The following SPEG variants were observed in gnomAD, a reference collection of about 807,000 sequenced individuals.
The protein encoded by SPEG is striated muscle enriched protein kinase.
Under a neutral mutation model 300.4 loss-of-function variants are expected in SPEG, and 114 were observed. The ratio of observed to expected loss-of-function variants is 0.38; its 90% confidence interval spans 0.33 to 0.44. The LOEUF (loss-of-function observed/expected upper bound fraction) is 0.44. SPEG is among the 20% of genes least tolerant of loss of function. The pLI is 1.00. For synonymous variants in SPEG, 1,964 were observed against 2,018.9 expected, an observed-to-expected ratio of 0.97 and a Z score of 0.73; for missense variants, 4,201 against 4,586.2, an observed-to-expected ratio of 0.92 and a Z score of 2.43.
chr2:219,471,730 C>T, intron 13 of SPEG, 138 bp from the exon 14 acceptor site: 1 of 1,045,544 alleles, frequency 9.6e-7, no homozygotes, highest in Non-Finnish European at 1.4e-6. Flanking sequence ...CTGCCTGCCC[C>T]ATCCTTGCCC....
intron 8 of SPEG, among the ~76,000 whole-genome samples, chr2:219,462,722 C>G (rs1690840900): frequency 6.6e-6 from 1 of 152,148 alleles, no homozygotes; most frequent in Non-Finnish European, 1.5e-5. Context: ...TTGAGACCAG[C>G]CTGGCCAGCA....
At position 219,443,369 on chromosome 2, in the gene SPEG, G is replaced by A. The variant is rs1689065058; in HGVS notation, c.389-1284G>A. 3.3e-6 allele frequency: 2 copies of A among 603,172 alleles called. No homozygotes were observed. The highest frequency in any genetic ancestry group is 5.7e-5 in the East Asian group (2 of 35,212). The allele number at this position is 603,172 out of a possible 1,614,324, so 37.4% of individuals were successfully genotyped here. On this transcript the variant is annotated intron_variant, in intron 1 of 40. Coordinates refer to ENST00000312358, the MANE Select transcript of SPEG (RefSeq NM_005876.5). This position sits in a 1 kb window ranked among gnomAD's most constrained non-coding sequence, Gnocchi z 4.6. ...GAGGGCGGCTCACTAGCACACCCCT[G>A]CATGGACTGGGTGCCCTGTTCTCCA... is the stretch of plus-strand genomic sequence containing the variant.
Position 219,446,242 on chromosome 2 carries a change from T to C in SPEG, c.815+1081T>C, listed in dbSNP as rs563357284. ...GTGTTCCTGTGCCCTGGACTTGCCTTTCCCTTCCTGCCTTTCTTTACCAGG... is the reference window on the plus strand; with the variant it reads ...GTGTTCCTGTGCCCTGGACTTGCCTCTCCCTTCCTGCCTTTCTTTACCAGG... On this transcript the variant is annotated intron_variant, in intron 3 of 40. Transcript: ENST00000312358. Among the ~76,000 whole-genome samples the C allele has an allele frequency of 6.6e-5, 10 of 152,268 alleles. No homozygotes were observed. In the East Asian group the frequency reaches 1.9e-3, roughly 29 times the overall value.
At position 219,445,297 on chromosome 2, in the gene SPEG, C is replaced by G; in HGVS notation, c.815+136C>G. ...TGTGCATTTCTTCACCCCCTGCTGC[C>G]ACTCCATCTTCCCACACTGCTCCCT... On this transcript the variant is annotated intron_variant, in intron 3 of 40. Transcript: ENST00000312358. This position sits in a 1 kb window ranked among gnomAD's most constrained non-coding sequence, Gnocchi z 6.1. 4 of 856,808 alleles carry G rather than the reference C, an allele frequency of 4.7e-6. No individual in the cohort carries two copies. The highest frequency in any genetic ancestry group is 7.5e-6 in the Non-Finnish European group (4 of 535,148). 53.1% of individuals were successfully genotyped at this position (856,808 alleles called of 1,614,324 possible). A position where few individuals can be genotyped will look rare whatever the true frequency, so the allele number is the denominator to read the frequency against.
intron 18 of SPEG, among the ~76,000 whole-genome samples, chr2:219,475,014 G>A (rs1273931480): frequency 6.6e-6 from 1 of 151,944 alleles, no homozygotes; most frequent in Non-Finnish European, 1.5e-5. Flanking sequence ...GGAACTCCTG[G>A]CCTCAAGTAA....
At position 219,477,855 on chromosome 2, in the gene SPEG, A is replaced by C. The variant is rs1692493978; in HGVS notation, c.4827-50A>C. 1.2e-6 allele frequency: 2 copies of C among 1,601,274 alleles called. No individual in the cohort carries two copies. The highest frequency in any genetic ancestry group is 2.2e-5 in the East Asian group (1 of 44,656). On this transcript the variant is annotated intron_variant, in intron 21 of 40. Coordinates refer to ENST00000312358, the MANE Select transcript of SPEG (RefSeq NM_005876.5). This position sits in a 1 kb window ranked among gnomAD's most constrained non-coding sequence, Gnocchi z 6.4. ...TGGGTCTGAGGGTTGGGAGGGGTGG[A>C]GAGGGCCACAGTGATGGCTGATCTC...
In SPEG at chr2:219,435,159, G is replaced by C; in HGVS notation, c.182G>C (p.Arg61Pro). The change falls in exon 1 of 41, where the codon CGG becomes CCG. Residue 61 changes from arginine (R) to proline (P), a missense_variant. By Grantham distance (103) the Arg-to-Pro change is moderately radical. Coordinates refer to ENST00000312358, the MANE Select transcript of SPEG (RefSeq NM_005876.5). ...NAAVCAGSDV[R>P]LRVVVSGTPQ... Reference sequence around the variant, plus strand: ...GCGGTGTGCGCGGGCAGCGACGTGCGGCTGCGGGTGGTGGTGAGCGGGACG... The same window carrying C: ...GCGGTGTGCGCGGGCAGCGACGTGCCGCTGCGGGTGGTGGTGAGCGGGACG... 1 of 1,470,080 alleles carries C rather than the reference G, an allele frequency of 6.8e-7. No homozygotes were observed. 91.1% of individuals were successfully genotyped at this position (1,470,080 alleles called of 1,614,324 possible).
At chr2:219,492,037 G>T in intron 39 of SPEG, 74 bp from the exon 40 acceptor site, 1 of 1,520,618 alleles carries the variant, frequency 6.6e-7, no homozygotes, top group South Asian at 1.2e-5. Flanking sequence ...CTGTGCACCT[G>T]ACACTAATGT....
In SPEG at chr2:219,476,886, G is replaced by A. The variant is rs1692394519; in HGVS notation, c.4464G>A (p.Glu1488=). 1.2e-6 allele frequency: 2 copies of A among 1,613,642 alleles called. No homozygotes were observed. Among genetic ancestry groups the A allele is most frequent in the South Asian group, 2.2e-5 (2 of 91,060 alleles). The change falls in exon 19 of 41, where the codon GAG becomes GAA. Residue 1488 remains glutamate (E), a synonymous_variant. Coordinates refer to ENST00000312358, the MANE Select transcript of SPEG (RefSeq NM_005876.5). ...GTGTTTCAGAGGCCCCTCGGTTTGAGTCCATCATGGAGGACGTGGAGGTGG... is the reference window on the plus strand; with the variant it reads ...GTGTTTCAGAGGCCCCTCGGTTTGAATCCATCATGGAGGACGTGGAGGTGG... ...TLELAEAPRF[E]SIMEDVEVGA...
In SPEG at chr2:219,448,038, G is replaced by A. The variant is rs773179359; in HGVS notation, c.880G>A (p.Ala294Thr). ...PDLQPQLASE[A>T]PRRPAQPPPS... Reference sequence around the variant, plus strand: ...CCTTCAGCCTCAACTGGCCAGCGAAGCCCCACGCCGCCCTGCCCAGCCGCC... The same window carrying A: ...CCTTCAGCCTCAACTGGCCAGCGAAACCCCACGCCGCCCTGCCCAGCCGCC... The change falls in exon 4 of 41, where the codon GCC becomes ACC. Residue 294 changes from alanine to threonine, a missense_variant. By Grantham distance (58) the Ala-to-Thr change is moderately conservative. Coordinates refer to ENST00000312358, the MANE Select transcript of SPEG (RefSeq NM_005876.5). 1 of 1,611,914 alleles carries A rather than the reference G, an allele frequency of 6.2e-7. No individual in the cohort carries two copies. Among genetic ancestry groups the A allele is most frequent in the Non-Finnish European group, 8.5e-7 (1 of 1,179,774 alleles).
chr2:219,464,548 A>C lies in SPEG; in HGVS notation c.2821A>C (p.Thr941Pro), dbSNP rs1339089426. ...AGAGCGTGGCGATGCTGGTTTCTAC[A>C]CTTGCAAAGCGGTCAATGAGTATGG... is the stretch of plus-strand genomic sequence containing the variant. ...AAERGDAGFY[T>P]CKAVNEYGAR... Residue 941 changes from threonine (T) to proline (P), a missense_variant, in exon 9 of 41, where the codon ACT becomes CCT. Thr to Pro is a conservative substitution (Grantham distance 38). Coordinates refer to ENST00000312358, the MANE Select transcript of SPEG (RefSeq NM_005876.5). This position sits in a 1 kb window ranked among gnomAD's most constrained non-coding sequence, Gnocchi z 4.5. 6.2e-7 allele frequency: 1 copy of C among 1,614,134 alleles called. No individual in the cohort carries two copies. Among genetic ancestry groups the C allele is most frequent in the Non-Finnish European group, 8.5e-7 (1 of 1,180,044 alleles).
intron 9 of SPEG, chr2:219,466,476 G>A: frequency 8.5e-7 from 1 of 1,171,042 alleles, no homozygotes; most frequent in Non-Finnish European, 1.1e-6. Flanking sequence ...CTGAGGTGGG[G>A]TGAGACAGAG....
At chr2:219,462,534 TC>T in intron 8 of SPEG, 148 bp downstream of exon 8, 7 of 634,924 alleles carry the variant, frequency 1.1e-5, no homozygotes, top group South Asian at 3.9e-5. Flanking sequence ...AGCAGTGTAC[TC>T]CCCCCGGCAC....
At chr2:219,447,653 T>C (rs1231663946) in intron 3 of SPEG, among the ~76,000 whole-genome samples, 1 of 151,306 alleles carries the variant, frequency 6.6e-6, no homozygotes, top group Non-Finnish European at 1.5e-5. Context: ...CATTCTTTTC[T>C]CTCCCTCATG....
intron 9 of SPEG, chr2:219,465,874 T>C (rs1260771754): frequency 1.4e-5 from 9 of 625,856 alleles, no homozygotes; most frequent in East Asian, 8.4e-5. Flanking sequence ...TGTGCGTGTG[T>C]GCGTGCGTGT....
At chr2:219,450,975 G>A in intron 4 of SPEG, 161 bp from the exon 5 acceptor site, 1 of 691,848 alleles carries the variant, frequency 1.4e-6, no homozygotes, top group Middle Eastern at 2.9e-4. Context: ...TTTCCCTAAG[G>A]ACATTCAGGA....
At position 219,448,994 on chromosome 2, in the gene SPEG, GC is replaced by G. The variant is rs748658115; in HGVS notation, c.1842del (p.Ala615ProfsTer105). 10 of 1,480,988 alleles carry G rather than the reference GC, an allele frequency of 6.8e-6. No individual in the cohort carries two copies. Among genetic ancestry groups the G allele is most frequent in the Admixed American group, 2.5e-5 (1 of 40,280 alleles). The allele number at this position is 1,480,988 out of a possible 1,614,324, so 91.7% of individuals were successfully genotyped here. On this transcript the variant is annotated frameshift_variant, in exon 4 of 41. Transcript: ENST00000312358. LOFTEE classifies it high-confidence loss of function. ...AIQECRSPVPPPAADPPEART... is the reference protein window; with the variant it reads ...AIQECRSPVPXPAADPPEART... ...TCCAGGAGTGCAGGAGCCCTGTGCC[GC>G]CCCCCGCCGCCGATCCCCCAGAGGC...
Position 219,469,346 on chromosome 2 carries a change from A to T in SPEG, c.3682A>T (p.Ile1228Phe), listed in dbSNP as rs766269793. The change falls in exon 13 of 41, where the codon ATC (isoleucine) becomes TTC (phenylalanine). Residue 1228 changes from isoleucine to phenylalanine, a missense_variant. Ile to Phe is a conservative substitution (Grantham distance 21, BLOSUM62 0). Around this residue, in one of 4 missense-constraint regions of SPEG, gnomAD observed 1,047 missense variants for 1,356.8 expected, o/e 0.77. Coordinates refer to ENST00000312358, the MANE Select transcript of SPEG (RefSeq NM_005876.5). ...CAGCTGGTTCCACAATGGCCACCGC[A>T]TCCAGAGCAGCGACGACCGGCGCAT... ...TISWFHNGHR[I>F]QSSDDRRMTQ... 37 of 1,613,706 alleles carry T rather than the reference A, an allele frequency of 2.3e-5. No homozygotes were observed. Among genetic ancestry groups the T allele is most frequent in the Non-Finnish European group, 3.1e-5 (37 of 1,179,964 alleles).
At chr2:219,465,934 CGTGCACGTGTGCGTGCATGTGT>C (rs1691281167) in intron 9 of SPEG, 15 of 625,972 alleles carry the variant, frequency 2.4e-5, no homozygotes, top group Admixed American at 6.0e-5. Flanking sequence ...CGCGCGTGTG[CGTGCACGTGTGCGTGCATGTGT>C]GCGTGTGCAT....
Sources: allele counts gnomAD v4.1 joint callset (sites outside exome capture counted in the v4.1 genomes callset), GRCh38; gene constraint gnomAD v4.1.1; regional missense constraint gnomAD v4.1.1; non-coding constraint Gnocchi (gnomAD v3.1); transcripts MANE v1.5; gene names NCBI Gene and HGNC (gene_info 2026-07-23, HGNC 2026-07-21).